Variants in NAV3 observed in about 807,000 individuals in gnomAD.
NAV3 encodes pore membrane and/or filament interacting like protein 1.
Under a neutral mutation model 244.7 loss-of-function variants are expected in NAV3, and 87 were observed. The ratio of observed to expected loss-of-function variants is 0.36; its 90% CI spans 0.30 to 0.42. NAV3 has a LOEUF of 0.42. Ranked by LOEUF, NAV3 falls within the 20% of genes least tolerant of loss-of-function variation. The pLI is 1.00. For missense variants in NAV3, 2,663 were observed against 2,893.3 expected (o/e 0.92, Z 1.83); for synonymous variants, 1,126 against 1,042.2 (o/e 1.08, Z -1.55).
chr12:78,203,914 C>T (rs1960010694), intron 38 of NAV3, among the ~76,000 whole-genome samples: 1 of 150,754 alleles, frequency 6.6e-6, no homozygotes, highest in African/African-American at 2.4e-5. Context: ...GCTTTGCTTG[C>T]AGCTTAAAAA....
intron 2 of NAV3, among the ~76,000 whole-genome samples, chr12:77,775,443 A>G (rs1052592302): frequency 5.3e-5 from 8 of 151,432 alleles, no homozygotes; most frequent in African/African-American, 1.9e-4. Context: ...TTTAAGCTGT[A>G]TCTTGCAAAA....
At chr12:77,742,992 T>G (rs1868367476) in intron 2 of NAV3, among the ~76,000 whole-genome samples, 1 of 151,974 alleles carries the variant, frequency 6.6e-6, no homozygotes, top group African/African-American at 2.4e-5. Context: ...CTGGAAGTGC[T>G]CCCAAGAAGC....
In NAV3 at chr12:78,051,076, C is replaced by A. The variant is rs372264864; in HGVS notation, c.2445C>A (p.Val815=). The A allele has an allele frequency of 6.2e-7, 1 of 1,613,936 alleles. No individual in the cohort carries two copies. The highest frequency in any genetic ancestry group is 8.5e-7 in the Non-Finnish European group (1 of 1,179,998). Residue 815 remains valine (V), a synonymous_variant, in exon 11 of 40, where the codon GTC becomes GTA. Transcript: ENST00000397909. ...GTGACCTGGACATGTCTTCTGAGGT[C>A]GATGTGGGTGGATATATGAGTGATG... ...ASSDLDMSSE[V]DVGGYMSDGD...
At chr12:78,044,786 C>G (rs1374963828) in intron 9 of NAV3, among the ~76,000 whole-genome samples, 1 of 152,130 alleles carries the variant, frequency 6.6e-6, no homozygotes, top group East Asian at 1.9e-4. Flanking sequence ...ATTTTGTATC[C>G]TGAGACGTTG....
At chr12:77,979,521 A>T (rs1054655968) in intron 5 of NAV3, among the ~76,000 whole-genome samples, 2 of 152,170 alleles carry the variant, frequency 1.3e-5, no homozygotes, top group Middle Eastern at 3.4e-3. Context: ...GCATGGAATT[A>T]GATTTAGGGG....
At chr12:78,048,490 C>T (rs2137197019) in intron 9 of NAV3, among the ~76,000 whole-genome samples, 1 of 152,304 alleles carries the variant, frequency 6.6e-6, no homozygotes, top group East Asian at 1.9e-4. Context: ...TGCAGGTCTT[C>T]TGGAGTTTGC....
intron 2 of NAV3, among the ~76,000 whole-genome samples, chr12:77,590,797 G>T (rs1014740369): frequency 6.6e-6 from 1 of 152,210 alleles, no homozygotes; most frequent in Non-Finnish European, 1.5e-5. Context: ...AAGAAAGCAG[G>T]TTGTAGCGTC....
At chr12:77,913,136 TA>T (rs1886781424) in intron 1 of NAV3, among the ~76,000 whole-genome samples, 1 of 152,088 alleles carries the variant, frequency 6.6e-6, no homozygotes, top group South Asian at 2.1e-4. Flanking sequence ...AAACATGGTC[TA>T]TATGGTTTTG....
In NAV3 at chr12:77,587,187, C is replaced by T. The variant is rs146523083; in HGVS notation, c.72+14921C>T. 2.9e-3 allele frequency among the ~76,000 whole-genome samples: 445 copies of T among 152,140 alleles called. 1 individual carries two copies. The highest frequency in any genetic ancestry group is 0.01 in the African/African-American group (429 of 41,530). On this transcript the variant is annotated intron_variant, in intron 2 of 8. Transcript: ENST00000550042. ...AATAAATTATTTGATAATAAATTTT[C>T]ACTGTTGAACTAATGTGCAGACTTT...
rs36029202 is a variant in NAV3, at chr12:77,845,651, C to CTTT, written c.243+13964_243+13966dup. 9.1e-3 allele frequency among the ~76,000 whole-genome samples: 1,184 copies of CTTT among 129,588 alleles called. 18 individuals are homozygous for CTTT. The highest frequency in any genetic ancestry group is 0.032 in the African/African-American group (1,118 of 35,076). 85.0% of individuals were successfully genotyped at this position (129,588 alleles called of 152,430 possible). ...TTCATTAAGTTTGATTAGGCTAATA[C>CTTT]TTTTTTTTTTTTTTTTTTTGAGATG... On this transcript the variant is annotated intron_variant, in intron 1 of 39. Coordinates refer to ENST00000397909, the MANE Select transcript of NAV3 (RefSeq NM_001024383.2).
chr12:78,122,530 G>A (rs1955719853), intron 16 of NAV3, 102 bp downstream of exon 16: 7 of 1,384,442 alleles, frequency 5.1e-6, no homozygotes, highest in Non-Finnish European at 6.7e-6. Context: ...TGAGTGCCCC[G>A]GTGCAAAAAG....
At chr12:77,631,701 A>G (rs530877335) in intron 2 of NAV3, among the ~76,000 whole-genome samples, 1 of 152,318 alleles carries the variant, frequency 6.6e-6, no homozygotes, top group African/African-American at 2.4e-5. Context: ...ATTATGTCAG[A>G]GGCAAAAAAC....
At chr12:78,139,412 T>C (rs903411952) in intron 19 of NAV3, among the ~76,000 whole-genome samples, 18 of 152,210 alleles carry the variant, frequency 1.2e-4, no homozygotes, top group African/African-American at 4.3e-4. Flanking sequence ...TATTATCTTC[T>C]CTTTGAGCTT....
chr12:77,934,711 C>G (rs1889158866), intron 1 of NAV3, among the ~76,000 whole-genome samples: 1 of 152,182 alleles, frequency 6.6e-6, no homozygotes, highest in African/African-American at 2.4e-5. Context: ...GTCTTCAACA[C>G]AATTCCTGTT....
At chr12:77,681,333 T>A (rs567002666) in intron 2 of NAV3, among the ~76,000 whole-genome samples, 1 of 152,324 alleles carries the variant, frequency 6.6e-6, no homozygotes, top group Non-Finnish European at 1.5e-5. Context: ...ATGTTAAATA[T>A]GCCAAATCTT....
At chr12:77,841,268 G>A (rs1181225110) in intron 1 of NAV3, among the ~76,000 whole-genome samples, 6 of 152,108 alleles carry the variant, frequency 3.9e-5, no homozygotes, top group African/African-American at 1.2e-4. Flanking sequence ...CTCCATAAAC[G>A]AAAAGCAAAA....
intron 2 of NAV3, among the ~76,000 whole-genome samples, chr12:77,592,111 C>A (rs1234376778): frequency 6.6e-6 from 1 of 152,142 alleles, no homozygotes; most frequent in Non-Finnish European, 1.5e-5. Flanking sequence ...CTAGCTCATT[C>A]GGCTTCCCTC....
Position 78,188,692 on chromosome 12 carries a change from T to C in NAV3, c.5970T>C (p.Ile1990=), listed in dbSNP as rs1958836265. The stretch of plus-strand genomic sequence containing the variant: ...CTAGCTACTGTATAGGAGACTTAAT[T>C]AGATCCCATAACCTAGAAGTGCCTG... The part of the protein sequence containing the change: ...CIASYCIGDL[I]RSHNLEVPEL... The change falls in exon 33 of 40, where the codon ATT becomes ATC. Residue 1990 remains isoleucine (I), a synonymous_variant. Transcript: ENST00000397909. 6.2e-7 allele frequency: 1 copy of C among 1,612,414 alleles called. No individual in the cohort carries two copies. The highest frequency in any genetic ancestry group is 1.7e-5 in the Admixed American group (1 of 59,878).
chr12:77,918,464 G>T (rs188000976), intron 1 of NAV3, among the ~76,000 whole-genome samples: 26 of 152,066 alleles, frequency 1.7e-4, no homozygotes, highest in African/African-American at 6.3e-4. Context: ...ATTGGAAAAT[G>T]TATCAGGTAG....
Sources: gnomAD v4.1 joint callset for allele counts (sites outside exome capture counted in the v4.1 genomes callset) on GRCh38, gnomAD v4.1.1 for gene constraint, MANE v1.5 for transcripts, NCBI Gene and HGNC (gene_info 2026-07-23, HGNC 2026-07-21) for gene names.